Variants in ZNF106 observed in about 807,000 individuals in gnomAD.
The protein encoded by ZNF106 is SH3-domain binding protein 3.
In ZNF106, 67 loss-of-function variants were observed where a neutral mutation model predicts 195.1. The observed-to-expected ratio is 0.34, with a 90% CI of 0.28 to 0.42. The LOEUF (loss-of-function observed/expected upper bound fraction) is 0.42, where lower values mean the gene tolerates loss of function less well. Ranked by LOEUF, ZNF106 falls within the 10% of genes least tolerant of loss-of-function variation. ZNF106 has a pLI of 1.00. For missense variants in ZNF106, 2,118 were observed against 2,304.5 expected (o/e 0.92, Z 1.66); for synonymous variants, 784 against 818.6 (o/e 0.96, Z 0.72).
intron 4 of ZNF106, among the ~76,000 whole-genome samples, chr15:42,455,371 T>C (rs998351974): frequency 6.6e-6 from 1 of 152,220 alleles, no homozygotes; most frequent in Non-Finnish European, 1.5e-5. Context: ...TTTTAGGTAA[T>C]ATTTTGAATA....
intron 1 of ZNF106, among the ~76,000 whole-genome samples, chr15:42,485,578 G>C (rs1185026299): frequency 1.3e-5 from 2 of 152,096 alleles, no homozygotes; most frequent in Non-Finnish European, 2.9e-5. Context: ...CAGTGAGTGT[G>C]GGTGTGTGTG....
intron 14 of ZNF106, among the ~76,000 whole-genome samples, chr15:42,430,219 C>A (rs2055002396): frequency 6.6e-6 from 1 of 151,990 alleles, no homozygotes; most frequent in Non-Finnish European, 1.5e-5. Flanking sequence ...TACTGAAAAG[C>A]CTTTTAAAAG....
intron 4 of ZNF106, among the ~76,000 whole-genome samples, chr15:42,456,755 C>G (rs563486874): frequency 6.6e-6 from 1 of 151,844 alleles, no homozygotes; most frequent in African/African-American, 2.4e-5. Flanking sequence ...TATGTAGGAA[C>G]AATACTAAGT....
Position 42,451,579 on chromosome 15 carries a change from T to G in ZNF106, c.693A>C (p.Glu231Asp). 1 of 1,614,190 alleles carries G rather than the reference T, an allele frequency of 6.2e-7. No homozygotes were observed. Among genetic ancestry groups the G allele is most frequent in the Non-Finnish European group, 8.5e-7 (1 of 1,180,032 alleles). The change falls in exon 5 of 22, where the codon GAA becomes GAC. Residue 231 changes from glutamate to aspartate, a missense_variant. Physicochemically the swap from Glu to Asp is conservative, Grantham distance 45. Transcript: ENST00000564754. ...GTGRNSSWLSEGTGGFSSWHM... is the reference protein window; with the variant it reads ...GTGRNSSWLSDGTGGFSSWHM... ...GCCAACTGGAAAAGCCACCTGTTCC[T>G]TCAGAAAGCCAACTGGAATTCCTTC...
chr15:42,458,384 C>G (rs2056299642), intron 3 of ZNF106, among the ~76,000 whole-genome samples: 1 of 145,904 alleles, frequency 6.9e-6, no homozygotes, highest in African/African-American at 2.5e-5. Flanking sequence ...GTTACTGTTA[C>G]AGATCACCTG....
rs1260985475 is a variant in ZNF106 at position 42,449,838 on chromosome 15, C to A, written c.2434G>T (p.Val812Phe). Residue 812 changes from valine to phenylalanine, a missense_variant, in exon 5 of 22, where the codon GTC becomes TTC. Physicochemically the swap from Val to Phe is conservative, Grantham distance 50. Coordinates refer to ENST00000564754, the MANE Select transcript of ZNF106 (RefSeq NM_001366845.3). Reference sequence around the variant, plus strand: ...TGCTGAATGACCTGTTCCCAGTTGACATTTCTCCGAGATGCATTTAGAATC... The same window carrying A: ...TGCTGAATGACCTGTTCCCAGTTGAAATTTCTCCGAGATGCATTTAGAATC... ...RQILNASRRN[V>F]NWEQVIQQVT... The A allele has an allele frequency of 1.5e-5, 24 of 1,614,070 alleles. No homozygotes were observed. Among genetic ancestry groups the A allele is most frequent in the Non-Finnish European group, 2.0e-5 (24 of 1,180,034 alleles).
At chr15:42,443,082 G>T (rs2055617624) in intron 9 of ZNF106, among the ~76,000 whole-genome samples, 1 of 151,884 alleles carries the variant, frequency 6.6e-6, no homozygotes, top group African/African-American at 2.4e-5. Context: ...TGCCCAGGCT[G>T]GTCTCAAACT....
rs1457061883 is a variant in ZNF106, at chr15:42,437,806, G to A, written c.4601-429C>T. On this transcript the variant is annotated intron_variant, in intron 12 of 21. Transcript: ENST00000564754. ...CCTGTAGTCCCAGTTATTTGGGGAG[G>A]CTGAGGCAAGAGAATCACTTGAACC... Among the ~76,000 whole-genome samples the A allele has an allele frequency of 3.3e-5, 5 of 151,346 alleles. No homozygotes were observed. The South Asian group carries it at 1.0e-3, about 32-fold the overall frequency.
intron 20 of ZNF106, among the ~76,000 whole-genome samples, chr15:42,418,457 CT>C (rs1241570368): frequency 6.6e-6 from 1 of 151,278 alleles, no homozygotes; most frequent in Non-Finnish European, 1.5e-5. Flanking sequence ...CCCCTGCCCC[CT>C]GGGTTCAAGC....
At chr15:42,420,966 A>T (rs2054630738) in intron 20 of ZNF106, 95 bp downstream of exon 20, 2 of 1,139,840 alleles carry the variant, frequency 1.8e-6, no homozygotes. Flanking sequence ...GCTAAAATAT[A>T]AAAATGCTAC....
intron 4 of ZNF106, among the ~76,000 whole-genome samples, chr15:42,454,238 T>C (rs774075442): frequency 6.6e-6 from 1 of 152,254 alleles, no homozygotes; most frequent in Non-Finnish European, 1.5e-5. Flanking sequence ...CATCCACTCA[T>C]ATTATATAAA....
At chr15:42,445,827 T>A (rs1248986622) in intron 7 of ZNF106, among the ~76,000 whole-genome samples, 1 of 152,160 alleles carries the variant, frequency 6.6e-6, no homozygotes, top group African/African-American at 2.4e-5. Flanking sequence ...GCCCTTATAC[T>A]AGAACTGGGT....
Position 42,456,984 on chromosome 15 carries a change from T to G in ZNF106, c.291A>C (p.Leu97Phe). 1.2e-6 allele frequency: 2 copies of G among 1,612,716 alleles called. No homozygotes were observed. Among genetic ancestry groups the G allele is most frequent in the Non-Finnish European group, 1.7e-6 (2 of 1,179,184 alleles). ...GACTTTGTTCTTTCCTTTGTTTTAT[T>G]AACTGAATGAGTTCCTTGTCAAAAT... Reference protein sequence around the residue: ...EDYFDKELIQLIKQRKEQSRQ... With the variant: ...EDYFDKELIQFIKQRKEQSRQ... The change falls in exon 4 of 22, where the codon TTA (leucine) becomes TTC (phenylalanine). Residue 97 changes from leucine to phenylalanine, a missense_variant. Coordinates refer to ENST00000564754, the MANE Select transcript of ZNF106 (RefSeq NM_001366845.3).
chr15:42,432,536 TC>T lies in ZNF106; in HGVS notation c.4881+2847del, dbSNP rs1414189389. Reference sequence around the variant, plus strand: ...ATTTGCATAGTATATCTATTTCCATTCTTATTCTTTTACTTTCAACCTATTT... The same window carrying T: ...ATTTGCATAGTATATCTATTTCCATTTTATTCTTTTACTTTCAACCTATTT... On this transcript the variant is annotated intron_variant, in intron 14 of 21. Coordinates refer to ENST00000564754, the MANE Select transcript of ZNF106 (RefSeq NM_001366845.3). Among the ~76,000 whole-genome samples, 13 of 152,176 alleles carry T rather than the reference TC, an allele frequency of 8.5e-5. No individual in the cohort carries two copies. In the East Asian group the frequency reaches 2.5e-3, roughly 29 times the overall value.
At position 42,447,242 on chromosome 15, in the gene ZNF106, C is replaced by T. The variant is rs138196611; in HGVS notation, c.3136-584G>A. 2.3e-3 allele frequency among the ~76,000 whole-genome samples: 348 copies of T among 152,270 alleles called. 1 individual carries two copies. The highest frequency in any genetic ancestry group is 2.3e-3 in the Non-Finnish European group (158 of 68,024). ...AGTATTAAATGAGAGAAGCCCAGCA[C>T]AGTGACACATGCTTGTAGTCCCCGC... is the stretch of plus-strand genomic sequence containing the variant. On this transcript the variant is annotated intron_variant, in intron 6 of 21. Transcript: ENST00000564754.
Position 42,439,544 on chromosome 15 carries a change from A to G in ZNF106, c.4033T>C (p.Leu1345=), listed in dbSNP as rs185545448. The change falls in exon 11 of 22, where the codon TTG becomes CTG. Residue 1345 remains leucine, a synonymous_variant. Coordinates refer to ENST00000564754, the MANE Select transcript of ZNF106 (RefSeq NM_001366845.3). ...GCTGGAGAGTGGGGTTCCTTCTCCA[A>G]AGGGGTTTCTGAAGCAAAAGACAAT... ...LRLSFASETP[L]EKEPHSPADQ... 3.8e-5 allele frequency: 61 copies of G among 1,614,166 alleles called. No individual in the cohort carries two copies. In the African/African-American group the frequency reaches 7.9e-4, roughly 21 times the overall value.
intron 5 of ZNF106, 79 bp downstream of exon 5, chr15:42,449,692 T>C (rs2055910585): frequency 6.6e-7 from 1 of 1,507,574 alleles, no homozygotes; most frequent in Non-Finnish European, 8.9e-7. Context: ...ATGAAACACG[T>C]AGAATTCTCT....
intron 13 of ZNF106, 147 bp downstream of exon 13, chr15:42,437,085 G>C (rs890248107): frequency 1.7e-5 from 13 of 756,658 alleles, no homozygotes; most frequent in Non-Finnish European, 2.4e-5. Context: ...ACCTTGCTGA[G>C]CTTCTGGATT....
chr15:42,424,743 G>C lies in ZNF106; in HGVS notation c.5190+91C>G, dbSNP rs1012276634. The C allele has an allele frequency of 1.6e-5, 22 of 1,336,560 alleles. No homozygotes were observed. The Admixed American group carries it at 4.5e-4, about 28-fold the overall frequency. 82.8% of individuals were successfully genotyped at this position (1,336,560 alleles called of 1,614,324 possible). Reference sequence around the variant, plus strand: ...GATCCCCCTGCCTCACCCTCCCAAAGTGCTGGGACTACAGACGTGAGCCAC... The same window carrying C: ...GATCCCCCTGCCTCACCCTCCCAAACTGCTGGGACTACAGACGTGAGCCAC... On this transcript the variant is annotated intron_variant, in intron 16 of 21. Coordinates refer to ENST00000564754, the MANE Select transcript of ZNF106 (RefSeq NM_001366845.3).
Sources: allele counts gnomAD v4.1 joint callset (sites outside exome capture counted in the v4.1 genomes callset), GRCh38; gene constraint gnomAD v4.1.1; transcripts MANE v1.5; gene names NCBI Gene and HGNC (gene_info 2026-07-23, HGNC 2026-07-21).